The following SPTY2D1 variants were observed in gnomAD, a reference collection of about 807,000 sequenced individuals.
The protein encoded by SPTY2D1 is SPT2 chromatin protein domain containing 1, also known as protein SPT2 homolog.
In SPTY2D1, 21 loss-of-function variants were observed where a neutral mutation model predicts 64.0. The observed-to-expected ratio is 0.33, with a 90% CI of 0.23 to 0.47. SPTY2D1 has a LOEUF of 0.47. SPTY2D1 is among the 20% of genes least tolerant of loss of function. The pLI is 1.00. For synonymous variants in SPTY2D1, 287 were observed against 286.8 expected, an observed-to-expected ratio of 1.00 and a Z score of -0.01; for missense variants, 724 against 837.2, an observed-to-expected ratio of 0.86 and a Z score of 1.67.
intron 1 of SPTY2D1, among the ~76,000 whole-genome samples, chr11:18,625,760 G>C (rs1452477554): frequency 6.6e-6 from 1 of 151,722 alleles, no homozygotes; most frequent in South Asian, 2.1e-4. Flanking sequence ...AGAGATTGGG[G>C]GGGGGGTCTC....
In SPTY2D1 at chr11:18,612,346, G is replaced by T; in HGVS notation, c.1854C>A (p.His618Gln). The T allele has an allele frequency of 1.9e-6, 3 of 1,607,914 alleles. No homozygotes were observed. Among genetic ancestry groups the T allele is most frequent in the Non-Finnish European group, 2.5e-6 (3 of 1,177,294 alleles). The part of the protein sequence containing the change: ...EGEPQEEISK[H>Q]IREIFGYDRK... ...GGTCATAACCAAAGATTTCTCTAATGTGCTTGGATATTTCTTCCTGAGGCT... is the reference window on the plus strand; with the variant it reads ...GGTCATAACCAAAGATTTCTCTAATTTGCTTGGATATTTCTTCCTGAGGCT... The change falls in exon 4 of 6, where the codon CAC becomes CAA. Residue 618 changes from histidine to glutamine, a missense_variant. By Grantham distance (24) the His-to-Gln change is conservative (BLOSUM62 0). Coordinates refer to ENST00000336349, the MANE Select transcript of SPTY2D1 (RefSeq NM_194285.3). This position sits in a 1 kb window ranked among gnomAD's most constrained non-coding sequence, Gnocchi z 4.6.
chr11:18,608,224 T>C lies in SPTY2D1; in HGVS notation c.*1637A>G, dbSNP rs1423583088. 6.6e-6 allele frequency: 1 copy of C among 152,652 alleles called. No homozygotes were observed. Among genetic ancestry groups the C allele is most frequent in the Non-Finnish European group, 1.5e-5 (1 of 68,048 alleles). The allele number at this position is 152,652 out of a possible 1,614,324, so 9.5% of individuals were successfully genotyped here. On this transcript the variant is annotated 3_prime_UTR_variant, in exon 6 of 6. Transcript: ENST00000336349. Reference sequence around the variant, plus strand: ...TTCCTAGTGATGATGACACCTTTCATGGGATTCAACTTAAAAATTAAATCC... The same window carrying C: ...TTCCTAGTGATGATGACACCTTTCACGGGATTCAACTTAAAAATTAAATCC...
At chr11:18,627,722 CAA>C (rs1322130351) in intron 1 of SPTY2D1, among the ~76,000 whole-genome samples, 2 of 150,838 alleles carry the variant, frequency 1.3e-5, no homozygotes, top group African/African-American at 4.9e-5. Flanking sequence ...ACTAAAAATA[CAA>C]AAAAAGTAGC....
In SPTY2D1 at chr11:18,607,026, A is replaced by G; in HGVS notation, c.*2835T>C. On this transcript the variant is annotated 3_prime_UTR_variant, in exon 6 of 6. Coordinates refer to ENST00000336349, the MANE Select transcript of SPTY2D1 (RefSeq NM_194285.3). ...CAGGTGTGTGCCACCGCACCCGGCT[A>G]ATTTTTTTATTTTTAGTAGAGACGG... 2 of 251,324 alleles carry G rather than the reference A, an allele frequency of 8.0e-6. No individual in the cohort carries two copies. Among genetic ancestry groups the G allele is most frequent in the East Asian group, 1.7e-4 (1 of 5,776 alleles). The allele number at this position is 251,324 out of a possible 1,614,324, so 15.6% of individuals were successfully genotyped here. A position where few individuals can be genotyped will look rare whatever the true frequency, so the allele number is the denominator to read the frequency against.
chr11:18,622,465 T>C (rs962469798), intron 1 of SPTY2D1, among the ~76,000 whole-genome samples: 2 of 152,148 alleles, frequency 1.3e-5, no homozygotes, highest in Non-Finnish European at 2.9e-5. Flanking sequence ...AGGTGGAGGC[T>C]GCAGTGAGCC....
intron 1 of SPTY2D1, among the ~76,000 whole-genome samples, chr11:18,631,406 A>C (rs2134119614): frequency 6.6e-6 from 1 of 152,052 alleles, no homozygotes; most frequent in South Asian, 2.1e-4. Flanking sequence ...AATACAAAAA[A>C]ATTAACTGGG....
intron 1 of SPTY2D1, among the ~76,000 whole-genome samples, chr11:18,623,876 T>C (rs895501928): frequency 1.1e-4 from 17 of 152,248 alleles, no homozygotes; most frequent in African/African-American, 4.1e-4. Context: ...CATGTATCAA[T>C]ATTTCCTTCC....
In SPTY2D1 at chr11:18,634,198, C is replaced by A. The variant is rs771583876; in HGVS notation, c.60G>T (p.Pro20=). ...CATTGATGCCCCAGCTGCTACTTAC[C>A]GGCACATTGTTGACACCTTGTCCCT... The part of the protein sequence containing the change: ...ASKGQGVNNV[P]KRYSLAVGPP... Residue 20 remains proline, a splice_region_variant and synonymous_variant, in exon 1 of 6, where the codon CCG becomes CCT. Coordinates refer to ENST00000336349, the MANE Select transcript of SPTY2D1 (RefSeq NM_194285.3). 1 of 1,614,190 alleles carries A rather than the reference C, an allele frequency of 6.2e-7. No homozygotes were observed. Among genetic ancestry groups the A allele is most frequent in the South Asian group, 1.1e-5 (1 of 91,090 alleles).
chr11:18,611,984 C>G (rs528258715), intron 4 of SPTY2D1, among the ~76,000 whole-genome samples: 1 of 152,290 alleles, frequency 6.6e-6, no homozygotes, highest in South Asian at 2.1e-4. Flanking sequence ...AGTTAACAGA[C>G]TGACCAAGAA....
At chr11:18,618,652 A>C (rs980075676) in intron 1 of SPTY2D1, among the ~76,000 whole-genome samples, 1 of 152,348 alleles carries the variant, frequency 6.6e-6, no homozygotes, top group South Asian at 2.1e-4. Flanking sequence ...GCAGAAAAAG[A>C]AACATGTCCA....
At chr11:18,616,206 C>G (rs1485084274) in intron 2 of SPTY2D1, 108 bp from the exon 3 acceptor site, 1 of 989,426 alleles carries the variant, frequency 1.0e-6, no homozygotes. Context: ...ATCTAGGAAT[C>G]AAATGAGGAA....
At chr11:18,618,216 T>C (rs1197763689) in intron 1 of SPTY2D1, among the ~76,000 whole-genome samples, 1 of 152,122 alleles carries the variant, frequency 6.6e-6, no homozygotes, top group Non-Finnish European at 1.5e-5. Context: ...AAAAAGCATT[T>C]CAAAAAATCT....
At chr11:18,622,106 CA>C (rs1854419834) in intron 1 of SPTY2D1, among the ~76,000 whole-genome samples, 1 of 28,124 alleles carries the variant, frequency 3.6e-5, no homozygotes, top group Non-Finnish European at 1.1e-4. Flanking sequence ...AAAAAAAAAC[CA>C]AAACCAAAAC....
In SPTY2D1 at chr11:18,615,635, C is replaced by T; in HGVS notation, c.639G>A (p.Arg213=). Residue 213 remains arginine, a synonymous_variant, in exon 3 of 6, where the codon AGG becomes AGA. Transcript: ENST00000336349. ...REREFLERKH[R]RKKLETDGKL... ...TTCCATCTGTCTCAAGTTTTTTTCT[C>T]CTATGCTTTCGTTCAAGGAATTCTC... is the stretch of plus-strand genomic sequence containing the variant. 1 of 1,614,138 alleles carries T rather than the reference C, an allele frequency of 6.2e-7. No homozygotes were observed. Among genetic ancestry groups the T allele is most frequent in the African/African-American group, 1.3e-5 (1 of 75,034 alleles).
chr11:18,606,623 G>A lies in SPTY2D1; in HGVS notation c.*3238C>T, dbSNP rs980418671. 23 of 364,886 alleles carry A rather than the reference G, an allele frequency of 6.3e-5. No individual in the cohort carries two copies. The highest frequency in any genetic ancestry group is 3.6e-4 in the Middle Eastern group (1 of 2,798). 22.6% of individuals were successfully genotyped at this position (364,886 alleles called of 1,614,324 possible). On this transcript the variant is annotated 3_prime_UTR_variant, in exon 6 of 6. Coordinates refer to ENST00000336349, the MANE Select transcript of SPTY2D1 (RefSeq NM_194285.3). ...TCTCACTCTTAATCATACACTAAAC[G>A]TCTGAATATTTAATCACATCCACTC...
chr11:18,615,139 G>T lies in SPTY2D1; in HGVS notation c.1135C>A (p.Pro379Thr). Residue 379 changes from proline (P) to threonine (T), a missense_variant, in exon 3 of 6, where the codon CCT becomes ACT. Physicochemically the swap from Pro to Thr is conservative, Grantham distance 38. Coordinates refer to ENST00000336349, the MANE Select transcript of SPTY2D1 (RefSeq NM_194285.3). Reference sequence around the variant, plus strand: ...GCAACCCCTGTGCTGGGCTGCCCAGGGGCTGAGCTAGAGCTGCTGCCTGGC... The same window carrying T: ...GCAACCCCTGTGCTGGGCTGCCCAGTGGCTGAGCTAGAGCTGCTGCCTGGC... ...RQPGSSSSSA[P>T]GQPSTGVARP... 6.2e-7 allele frequency: 1 copy of T among 1,614,208 alleles called. No individual in the cohort carries two copies. Among genetic ancestry groups the T allele is most frequent in the Non-Finnish European group, 8.5e-7 (1 of 1,180,036 alleles).
At chr11:18,619,024 A>G (rs73424445) in intron 1 of SPTY2D1, among the ~76,000 whole-genome samples, 12,616 of 152,224 alleles carry the variant, frequency 0.083, 1,390 homozygotes, top group African/African-American at 0.26. Flanking sequence ...GACTCTTTCC[A>G]TAGTGGATAG....
intron 1 of SPTY2D1, among the ~76,000 whole-genome samples, chr11:18,619,338 G>A (rs1195851747): frequency 6.6e-6 from 1 of 151,892 alleles, no homozygotes. Flanking sequence ...GATTTTCCTG[G>A]CCAGGCGCAG....
At chr11:18,625,876 C>T (rs926724545) in intron 1 of SPTY2D1, among the ~76,000 whole-genome samples, 1 of 147,854 alleles carries the variant, frequency 6.8e-6, no homozygotes, top group Admixed American at 6.9e-5. Context: ...AGTACAGTGG[C>T]GTGGTCTCGG....
Sources: gnomAD v4.1 joint callset for allele counts (sites outside exome capture counted in the v4.1 genomes callset) on GRCh38, gnomAD v4.1.1 for gene constraint, Gnocchi (gnomAD v3.1) non-coding constraint, MANE v1.5 for transcripts, NCBI Gene and HGNC (gene_info 2026-07-23, HGNC 2026-07-21) for gene names.